Variants in TAOK3 observed in about 807,000 individuals in gnomAD.
TAOK3 encodes TAO kinase 3.
A neutral mutation model predicts 120.4 loss-of-function variants in TAOK3; 40 were observed. The ratio of observed to expected loss-of-function variants is 0.33; its 90% confidence interval spans 0.26 to 0.43. The LOEUF is 0.43. Among genes scored for constraint, TAOK3 ranks in the 20% least tolerant of loss-of-function variants. The pLI, the probability that TAOK3 is intolerant of heterozygous loss-of-function variation, is 1.00. For synonymous variants in TAOK3, 355 were observed against 387.5 expected, an observed-to-expected ratio of 0.92 and a Z score of 0.99; for missense variants, 821 against 1,112.1, an observed-to-expected ratio of 0.74 and a Z score of 3.72.
intron 9 of TAOK3, among the ~76,000 whole-genome samples, chr12:118,215,020 C>T (rs1302211419): frequency 6.6e-6 from 1 of 151,602 alleles, no homozygotes; most frequent in Non-Finnish European, 1.5e-5. Flanking sequence ...GCTGGGATTA[C>T]AGGCATGCGC....
intron 1 of TAOK3, among the ~76,000 whole-genome samples, chr12:118,343,402 A>G (rs807546): frequency 8.8e-5 from 13 of 148,464 alleles, no homozygotes; most frequent in Non-Finnish European, 1.5e-4. Flanking sequence ...ACTCCAGCCT[A>G]GGCGACAGAG....
intron 14 of TAOK3, among the ~76,000 whole-genome samples, chr12:118,188,003 G>T (rs1044402942): frequency 6.6e-6 from 1 of 152,160 alleles, no homozygotes; most frequent in Non-Finnish European, 1.5e-5. Flanking sequence ...GCGAGCATGA[G>T]ATTATTCTGG....
At chr12:118,175,428 C>A (rs546095057) in intron 16 of TAOK3, among the ~76,000 whole-genome samples, 2 of 152,166 alleles carry the variant, frequency 1.3e-5, no homozygotes, top group South Asian at 4.1e-4. Context: ...GAGTTCAAGA[C>A]CAGCCTGGCT....
intron 1 of TAOK3, among the ~76,000 whole-genome samples, chr12:118,350,525 C>T (rs866057304): frequency 6.6e-5 from 10 of 152,082 alleles, no homozygotes; most frequent in Non-Finnish European, 1.0e-4. Context: ...GTTGTCCATC[C>T]TATGGAGTAA....
At chr12:118,279,466 T>C (rs2042016046) in intron 1 of TAOK3, among the ~76,000 whole-genome samples, 1 of 152,070 alleles carries the variant, frequency 6.6e-6, no homozygotes, top group Non-Finnish European at 1.5e-5. Flanking sequence ...GCTTTTGGTG[T>C]CTTCATCATG....
chr12:118,229,615 A>T (rs2650175), intron 9 of TAOK3, among the ~76,000 whole-genome samples: 120,438 of 152,102 alleles, frequency 0.79, 48,487 homozygotes, highest in African/African-American at 0.93. Flanking sequence ...TCATTATACT[A>T]GTAAAAGTAT....
At chr12:118,224,227 A>G (rs934916775) in intron 9 of TAOK3, among the ~76,000 whole-genome samples, 1 of 152,226 alleles carries the variant, frequency 6.6e-6, no homozygotes, top group African/African-American at 2.4e-5. Context: ...TGTTCTTTTT[A>G]CTAGGCCATG....
intron 9 of TAOK3, among the ~76,000 whole-genome samples, chr12:118,215,249 A>G (rs2038834698): frequency 7.2e-6 from 1 of 138,612 alleles, no homozygotes; most frequent in Non-Finnish European, 1.5e-5. Flanking sequence ...TAATCCCAGC[A>G]CTTTGGGAGG....
chr12:118,182,821 G>C (rs1046263130), intron 14 of TAOK3, among the ~76,000 whole-genome samples: 7 of 151,528 alleles, frequency 4.6e-5, no homozygotes, highest in African/African-American at 1.7e-4. Flanking sequence ...CTCCTAAAGA[G>C]GACAAAGCAT....
chr12:118,320,051 C>T (rs1402586180), intron 1 of TAOK3, among the ~76,000 whole-genome samples: 1 of 152,134 alleles, frequency 6.6e-6, no homozygotes, highest in Non-Finnish European at 1.5e-5. Context: ...ATAGATGTTA[C>T]AGCATGGATG....
At chr12:118,269,151 CTCTT>C (rs563253363) in intron 1 of TAOK3, among the ~76,000 whole-genome samples, 184 of 151,810 alleles carry the variant, frequency 1.2e-3, no homozygotes, top group Middle Eastern at 0.01. Flanking sequence ...TTTCTTCTCT[CTCTT>C]TCTTTCTTTC....
chr12:118,190,100 C>A, intron 13 of TAOK3, 159 bp from the exon 14 acceptor site: 1 of 818,386 alleles, frequency 1.2e-6, no homozygotes. Flanking sequence ...AATGAATAAG[C>A]AACACATTGC....
chr12:118,240,271 CT>C (rs1443179229), intron 5 of TAOK3, among the ~76,000 whole-genome samples: 1 of 151,522 alleles, frequency 6.6e-6, no homozygotes, highest in African/African-American at 2.4e-5. Flanking sequence ...CCTCTACCTC[CT>C]GGGTTCAAGC....
intron 19 of TAOK3, among the ~76,000 whole-genome samples, chr12:118,159,293 T>TCC (rs1256550234): frequency 1.4e-5 from 2 of 147,486 alleles, no homozygotes; most frequent in East Asian, 4.0e-4. Flanking sequence ...CCCCAGTACC[T>TCC]CCCATTTCAA....
rs536852764 is a variant in TAOK3, at chr12:118,355,192, A to G, written c.-194+17456T>C. On this transcript the variant is annotated intron_variant, in intron 1 of 20. Coordinates refer to ENST00000392533, the MANE Select transcript of TAOK3 (RefSeq NM_016281.4). ...AAGCAAGACAGGATAAGAGGGGACT[A>G]TTGTATTCAAATATACATGTAAATA... is the stretch of plus-strand genomic sequence containing the variant. Among the ~76,000 whole-genome samples the G allele has an allele frequency of 2.6e-5, 4 of 152,340 alleles. No individual in the cohort carries two copies. The South Asian group carries it at 8.3e-4, about 32-fold the overall frequency.
intron 3 of TAOK3, among the ~76,000 whole-genome samples, chr12:118,253,786 G>C (rs1417600785): frequency 6.7e-6 from 1 of 148,750 alleles, no homozygotes; most frequent in Non-Finnish European, 1.5e-5. Context: ...CGGTGCAGTG[G>C]CTCACGCCTG....
At chr12:118,317,803 A>G (rs1160250161) in intron 1 of TAOK3, among the ~76,000 whole-genome samples, 1 of 152,152 alleles carries the variant, frequency 6.6e-6, no homozygotes, top group African/African-American at 2.4e-5. Context: ...TAGCAAAAAT[A>G]ATCTAAAAAA....
chr12:118,250,875 C>G (rs1339065639), intron 3 of TAOK3, among the ~76,000 whole-genome samples: 2 of 151,976 alleles, frequency 1.3e-5, no homozygotes, highest in African/African-American at 4.8e-5. Context: ...AAATGATGAA[C>G]AGGAGTTAAG....
chr12:118,166,225 G>T (rs1311020677), intron 17 of TAOK3, among the ~76,000 whole-genome samples: 1 of 152,164 alleles, frequency 6.6e-6, no homozygotes, highest in African/African-American at 2.4e-5. Context: ...TAGCTTCTCA[G>T]CATTTTCCAT....
Sources: gnomAD v4.1 joint callset for allele counts (sites outside exome capture counted in the v4.1 genomes callset) on GRCh38, gnomAD v4.1.1 for gene constraint, MANE v1.5 for transcripts, NCBI Gene and HGNC (gene_info 2026-07-23, HGNC 2026-07-21) for gene names.